Variants in PARN observed in about 807,000 individuals in gnomAD.
The protein encoded by PARN is poly(A)-specific ribonuclease, also known as poly(A)-specific ribonuclease PARN.
In PARN, 71 loss-of-function variants were observed where a neutral mutation model predicts 102.8. The ratio of observed to expected loss-of-function variants is 0.69; its 90% confidence interval spans 0.57 to 0.84. The LOEUF is 0.84. Ranked by LOEUF, PARN falls within the 40% of genes least tolerant of loss-of-function variation. The pLI, the probability that PARN is intolerant of heterozygous loss-of-function variation, is 0.00. For missense variants in PARN, 782 were observed against 760.9 expected, an observed-to-expected ratio of 1.03 and a Z score of -0.33; for synonymous variants, 261 against 252.9, an observed-to-expected ratio of 1.03 and a Z score of -0.30.
chr16:14,507,187 G>A (rs1387632695), intron 21 of PARN, among the ~76,000 whole-genome samples: 2 of 152,062 alleles, frequency 1.3e-5, no homozygotes, highest in African/African-American at 2.4e-5. Flanking sequence ...TTAGCTGGGC[G>A]TGGTGGTGCA....
At chr16:14,617,781 A>AC (rs1972020590) in intron 5 of PARN, 131 bp from the exon 6 acceptor site, 2 of 655,006 alleles carry the variant, frequency 3.1e-6, no homozygotes, top group Non-Finnish European at 5.6e-6. Flanking sequence ...AGGTCACAAT[A>AC]CAAGGAATTT....
intron 21 of PARN, among the ~76,000 whole-genome samples, chr16:14,532,173 G>A (rs1186853850): frequency 6.9e-6 from 1 of 145,140 alleles, no homozygotes; most frequent in African/African-American, 2.5e-5. Flanking sequence ...TTCAAACTCT[G>A]ATTTTTTTTT....
In PARN at chr16:14,584,788, G is replaced by T. The variant is rs763666862; in HGVS notation, c.966C>A (p.Leu322=). ...TGCTGGCCATCAATTTAGTATCCAA[G>T]AGTCTAAAAAGAATTTTTAACAAGG... The part of the protein sequence containing the change: ...KEMTTCVFPR[L]LDTKLMASTQ... Residue 322 remains leucine, a synonymous_variant, in exon 15 of 24, where the codon CTC becomes CTA. Transcript: ENST00000437198. 6.5e-6 allele frequency: 10 copies of T among 1,547,054 alleles called. No individual in the cohort carries two copies. The highest frequency in any genetic ancestry group is 1.7e-6 in the Non-Finnish European group (2 of 1,149,248).
intron 21 of PARN, 129 bp from the exon 22 acceptor site, chr16:14,482,956 T>C (rs1963466245): frequency 1.6e-6 from 1 of 633,564 alleles, no homozygotes. Context: ...CCCTTGGCTC[T>C]GCCACCTGGA....
chr16:14,572,119 T>C (rs888087114), intron 18 of PARN, among the ~76,000 whole-genome samples: 3 of 152,148 alleles, frequency 2.0e-5, no homozygotes, highest in Non-Finnish European at 4.4e-5. Context: ...TGCTCCTCTG[T>C]ATGAGGGAGG....
chr16:14,514,145 A>G (rs896702601), intron 21 of PARN, among the ~76,000 whole-genome samples: 5 of 152,228 alleles, frequency 3.3e-5, no homozygotes, highest in Admixed American at 1.3e-4. Context: ...AAGGGGGGAT[A>G]TAAGAGTCAC....
At chr16:14,467,050 C>A (rs1255433811) in intron 22 of PARN, among the ~76,000 whole-genome samples, 2 of 152,218 alleles carry the variant, frequency 1.3e-5, no homozygotes, top group Admixed American at 1.3e-4. Flanking sequence ...TTTCCTGATG[C>A]CCCTGCAGGC....
intron 20 of PARN, among the ~76,000 whole-genome samples, chr16:14,553,447 C>T (rs1421131299): frequency 1.3e-5 from 2 of 152,168 alleles, no homozygotes; most frequent in Non-Finnish European, 2.9e-5. Flanking sequence ...AACTTTCTTA[C>T]TACTGGACAT....
chr16:14,625,717 C>A (rs962839467), intron 5 of PARN, among the ~76,000 whole-genome samples: 10 of 152,148 alleles, frequency 6.6e-5, no homozygotes, highest in Admixed American at 6.5e-4. Flanking sequence ...TTATATACTG[C>A]CAGTTTTGAG....
intron 21 of PARN, among the ~76,000 whole-genome samples, chr16:14,525,425 C>T (rs1196402557): frequency 6.6e-6 from 1 of 152,102 alleles, no homozygotes; most frequent in African/African-American, 2.4e-5. Context: ...GCAGGGAACC[C>T]AATTATTCCC....
At chr16:14,521,656 G>T (rs1201242919) in intron 21 of PARN, among the ~76,000 whole-genome samples, 2 of 152,004 alleles carry the variant, frequency 1.3e-5, no homozygotes, top group Non-Finnish European at 2.9e-5. Context: ...GAATTAGCAG[G>T]GTGTAGTGGT....
rs373967071 is a variant in PARN at position 14,507,144 on chromosome 16, T to C, written c.1481-24317A>G. Reference sequence around the variant, plus strand: ...GAGTTCGAGACCAGCCTGACCAACATGGAGAAACCCCATCTCTACTAAAAA... The same window carrying C: ...GAGTTCGAGACCAGCCTGACCAACACGGAGAAACCCCATCTCTACTAAAAA... On this transcript the variant is annotated intron_variant, in intron 21 of 23. Coordinates refer to ENST00000437198, the MANE Select transcript of PARN (RefSeq NM_002582.4). Among the ~76,000 whole-genome samples the C allele has an allele frequency of 2.0e-4, 31 of 151,666 alleles. No individual in the cohort carries two copies. In the East Asian group the frequency reaches 5.7e-3, roughly 28 times the overall value.
At chr16:14,538,476 C>T (rs2151683382) in intron 21 of PARN, among the ~76,000 whole-genome samples, 1 of 152,274 alleles carries the variant, frequency 6.6e-6, no homozygotes, top group African/African-American at 2.4e-5. Context: ...CTGCCTCAGC[C>T]TCCCAAAGTG....
chr16:14,488,603 G>A (rs1035878640), intron 21 of PARN, among the ~76,000 whole-genome samples: 1 of 152,196 alleles, frequency 6.6e-6, no homozygotes, highest in African/African-American at 2.4e-5. Flanking sequence ...AGGTGTGTGA[G>A]GCCAGTGGAC....
Position 14,555,673 on chromosome 16 carries a change from T to C in PARN, c.1299A>G (p.Leu433=). 6.7e-7 allele frequency: 1 copy of C among 1,482,106 alleles called. No individual in the cohort carries two copies. Among genetic ancestry groups the C allele is most frequent in the Non-Finnish European group, 9.2e-7 (1 of 1,089,428 alleles). The allele number at this position is 1,482,106 out of a possible 1,614,324, so 91.8% of individuals were successfully genotyped here. ...FLMRVMDIPY[L]NLEGPDLQPK... ...ACTTACAGTCTGGTCCTTCCAAGTT[T>C]AGATAGGGGATATCCATGACCCTCA... The change falls in exon 19 of 24, where the codon CTA becomes CTG. Residue 433 remains leucine, a synonymous_variant. Coordinates refer to ENST00000437198, the MANE Select transcript of PARN (RefSeq NM_002582.4).
chr16:14,603,014 G>A (rs999179648), intron 11 of PARN, among the ~76,000 whole-genome samples: 1 of 151,958 alleles, frequency 6.6e-6, no homozygotes, highest in African/African-American at 2.4e-5. Context: ...TCCACCTCCC[G>A]GGGTCAAGCA....
intron 22 of PARN, among the ~76,000 whole-genome samples, chr16:14,450,160 A>T (rs1378547254): frequency 6.6e-6 from 1 of 152,232 alleles, no homozygotes; most frequent in Non-Finnish European, 1.5e-5. Flanking sequence ...AGAACCGAAA[A>T]TGATTATGGA....
intron 6 of PARN, among the ~76,000 whole-genome samples, chr16:14,612,101 T>C (rs1971550739): frequency 6.6e-6 from 1 of 152,148 alleles, no homozygotes; most frequent in African/African-American, 2.4e-5. Context: ...TAACACTTAC[T>C]GATATCCTGG....
chr16:14,446,837 A>G, intron 23 of PARN, 51 bp downstream of exon 23: 1 of 1,325,762 alleles, frequency 7.5e-7, no homozygotes, highest in Non-Finnish European at 1.0e-6. Flanking sequence ...GAGTTTCTAG[A>G]GCATTTAAAT....
Sources: gnomAD v4.1 joint callset for allele counts (sites outside exome capture counted in the v4.1 genomes callset) on GRCh38, gnomAD v4.1.1 for gene constraint, MANE v1.5 for transcripts, NCBI Gene and HGNC (gene_info 2026-07-23, HGNC 2026-07-21) for gene names.